SGCZ: variants seen among roughly 807,000 people sequenced by gnomAD.
SGCZ encodes sarcoglycan zeta, also known as zeta-sarcoglycan.
SGCZ carries 40 observed loss-of-function variants against 41.3 expected under a neutral mutation model. That is an observed-to-expected ratio of 0.97 (90% confidence interval 0.75 to 1.26). SGCZ has a LOEUF of 1.26. Ranked by LOEUF, SGCZ falls within the 50% of genes most tolerant of loss-of-function variation. The pLI, the probability that SGCZ is intolerant of heterozygous loss-of-function variation, is 0.00. For missense variants in SGCZ, 552 were observed against 369.8 expected (o/e 1.49, Z -4.04); for synonymous variants, 206 against 137.5 (o/e 1.50, Z -3.49).
At chr8:15,104,985 C>T (rs1026349) in intron 1 of SGCZ, among the ~76,000 whole-genome samples, 31,178 of 152,134 alleles carry the variant, frequency 0.2, 3,496 homozygotes, top group East Asian at 0.48. Context: ...GTTTGTATAA[C>T]TCTTTCCTTT....
chr8:15,126,477 C>T (rs1807686158), intron 1 of SGCZ, among the ~76,000 whole-genome samples: 1 of 152,036 alleles, frequency 6.6e-6, no homozygotes, highest in Admixed American at 6.6e-5. Context: ...GGAATACAAA[C>T]TGGAATAAGA....
chr8:15,074,544 G>A (rs1179712733), intron 1 of SGCZ, among the ~76,000 whole-genome samples: 1 of 151,970 alleles, frequency 6.6e-6, no homozygotes, highest in Non-Finnish European at 1.5e-5. Context: ...GGATGTATAC[G>A]GGGTACATTC....
At chr8:14,220,334 A>G (rs573878538) in intron 4 of SGCZ, among the ~76,000 whole-genome samples, 1 of 152,224 alleles carries the variant, frequency 6.6e-6, no homozygotes, top group Admixed American at 6.5e-5. Context: ...CGAGAAAAAA[A>G]GTCAGATGCA....
At chr8:15,209,889 T>TTATGAG (rs1801185856) in intron 1 of SGCZ, among the ~76,000 whole-genome samples, 1 of 152,214 alleles carries the variant, frequency 6.6e-6, no homozygotes, top group Non-Finnish European at 1.5e-5. Flanking sequence ...CTTTGCCAAG[T>TTATGAG]CATAGGTTTA....
chr8:14,809,895 T>G (rs948580244), intron 1 of SGCZ, among the ~76,000 whole-genome samples: 2 of 152,148 alleles, frequency 1.3e-5, no homozygotes, highest in African/African-American at 4.8e-5. Flanking sequence ...GGCTAAGATT[T>G]AAGAAACTAT....
chr8:14,283,145 A>G (rs1800507193), intron 3 of SGCZ, among the ~76,000 whole-genome samples: 1 of 151,592 alleles, frequency 6.6e-6, no homozygotes, highest in Non-Finnish European at 1.5e-5. Flanking sequence ...CACTGTGCCC[A>G]GCCTCAAATA....
rs1015611249 is a variant in SGCZ, at chr8:14,554,366, G to C, written c.234+366C>G. On this transcript the variant is annotated intron_variant, in intron 2 of 7. Coordinates refer to ENST00000382080, the MANE Select transcript of SGCZ (RefSeq NM_139167.4). ...TCAAAGGCACATATGATTTATAAAAGTAATATTAATTTTAATGTGAAGTAT... is the reference window on the plus strand; with the variant it reads ...TCAAAGGCACATATGATTTATAAAACTAATATTAATTTTAATGTGAAGTAT... 2.6e-5 allele frequency among the ~76,000 whole-genome samples: 4 copies of C among 152,108 alleles called. No homozygotes were observed. In the South Asian group the frequency reaches 8.3e-4, roughly 32 times the overall value.
chr8:14,433,970 G>C (rs572910183), intron 2 of SGCZ, among the ~76,000 whole-genome samples: 3 of 151,850 alleles, frequency 2.0e-5, no homozygotes, highest in Non-Finnish European at 4.4e-5. Flanking sequence ...AAGCTCTTTC[G>C]TTTAAGTCCC....
At chr8:14,367,527 G>A (rs1312460061) in intron 2 of SGCZ, among the ~76,000 whole-genome samples, 4 of 152,034 alleles carry the variant, frequency 2.6e-5, no homozygotes, top group East Asian at 1.9e-4. Flanking sequence ...TAAAGAATAA[G>A]GGTTTAATGG....
At chr8:14,630,912 C>A (rs528019779) in intron 1 of SGCZ, among the ~76,000 whole-genome samples, 14 of 151,572 alleles carry the variant, frequency 9.2e-5, no homozygotes, top group Admixed American at 3.3e-4. Flanking sequence ...AGGAGATATA[C>A]CTAATGTAAA....
intron 1 of SGCZ, among the ~76,000 whole-genome samples, chr8:15,190,022 C>A (rs575710266): frequency 6.6e-6 from 1 of 152,208 alleles, no homozygotes; most frequent in South Asian, 2.1e-4. Flanking sequence ...TCTTTCTTGT[C>A]ACTCTCCACC....
intron 1 of SGCZ, among the ~76,000 whole-genome samples, chr8:15,055,264 C>T (rs547584483): frequency 6.6e-6 from 1 of 152,188 alleles, no homozygotes; most frequent in South Asian, 2.1e-4. Context: ...GTATACCTAC[C>T]ATAGATATTA....
At chr8:14,330,448 CAAAGT>C (rs1802274942) in intron 2 of SGCZ, among the ~76,000 whole-genome samples, 1 of 151,654 alleles carries the variant, frequency 6.6e-6, no homozygotes, top group South Asian at 2.1e-4. Flanking sequence ...TTTTTTTTGA[CAAAGT>C]AGAGGATTAT....
intron 3 of SGCZ, among the ~76,000 whole-genome samples, chr8:14,240,319 C>T (rs1457086340): frequency 1.1e-5 from 1 of 89,520 alleles, no homozygotes; most frequent in Non-Finnish European, 2.0e-5. Context: ...CAGAGCGAAA[C>T]TCTGTGTCAA....
chr8:15,007,496 C>T (rs531155609), intron 1 of SGCZ, among the ~76,000 whole-genome samples: 1 of 152,314 alleles, frequency 6.6e-6, no homozygotes, highest in Admixed American at 6.5e-5. Flanking sequence ...GTCTATGAGC[C>T]ACAAACTGGG....
At chr8:14,168,363 T>C (rs1038941706) in intron 4 of SGCZ, among the ~76,000 whole-genome samples, 3 of 152,122 alleles carry the variant, frequency 2.0e-5, no homozygotes, top group African/African-American at 4.8e-5. Context: ...GGTTTGGTTG[T>C]CTCCCCACCC....
intron 1 of SGCZ, among the ~76,000 whole-genome samples, chr8:15,099,023 A>G (rs1193976203): frequency 6.6e-6 from 1 of 152,228 alleles, no homozygotes; most frequent in Non-Finnish European, 1.5e-5. Flanking sequence ...CCACCACTGT[A>G]CTCCAGCCTG....
intron 1 of SGCZ, among the ~76,000 whole-genome samples, chr8:14,673,326 GT>G (rs112354685): frequency 0.013 from 1,945 of 152,258 alleles, 38 homozygotes; most frequent in African/African-American, 0.031. Context: ...CATGGGGGTG[GT>G]TTCCCCCATG....
intron 1 of SGCZ, among the ~76,000 whole-genome samples, chr8:14,594,465 T>C (rs973107265): frequency 7.2e-5 from 11 of 152,116 alleles, no homozygotes; most frequent in Non-Finnish European, 1.5e-4. Context: ...TTCAGTTTTC[T>C]TTCTGCCCAA....
Sources: allele counts gnomAD v4.1 joint callset (sites outside exome capture counted in the v4.1 genomes callset), GRCh38; gene constraint gnomAD v4.1.1; transcripts MANE v1.5; gene names NCBI Gene and HGNC (gene_info 2026-07-23, HGNC 2026-07-21).